Variants in SAMM50 observed in about 807,000 individuals in gnomAD.
SAMM50 encodes the protein sorting and assembly machinery component 50 homolog.
A neutral mutation model predicts 66.9 loss-of-function variants in SAMM50; 47 were observed. The ratio of observed to expected loss-of-function variants is 0.70; its 90% CI spans 0.56 to 0.90. The LOEUF is 0.90. Ranked by LOEUF, SAMM50 falls within the 40% of genes least tolerant of loss-of-function variation. The probability of loss-of-function intolerance (pLI) is 0.00; values close to 1 mark genes in which losing one functional copy is unlikely to be tolerated. For synonymous variants in SAMM50, 191 were observed against 214.1 expected (o/e 0.89, Z 0.94); for missense variants, 535 against 595.3 (o/e 0.90, Z 1.05).
chr22:43,955,446 T>G lies in SAMM50; in HGVS notation c.-132T>G. The G allele has an allele frequency of 1.9e-6, 2 of 1,057,356 alleles. No homozygotes were observed. The highest frequency in any genetic ancestry group is 2.8e-6 in the Non-Finnish European group (2 of 711,162). 65.5% of individuals were successfully genotyped at this position (1,057,356 alleles called of 1,614,324 possible). On this transcript the variant is annotated 5_prime_UTR_variant, in exon 1 of 15. Transcript: ENST00000350028. ...CGGGGAATCATGGCCGCCCCCAGTG[T>G]TCCGCGTCCGGGGGTTTGTGGGAGT...
intron 10 of SAMM50, among the ~76,000 whole-genome samples, chr22:43,978,911 T>C (rs1380987198): frequency 6.6e-6 from 1 of 152,190 alleles, no homozygotes; most frequent in Non-Finnish European, 1.5e-5. Flanking sequence ...CATTTTAAAA[T>C]AATTTGTTAC....
chr22:43,989,497 C>T (rs531750500), intron 13 of SAMM50, among the ~76,000 whole-genome samples: 20 of 152,058 alleles, frequency 1.3e-4, no homozygotes, highest in Admixed American at 4.6e-4. Context: ...CCATCACGCC[C>T]GGCTAATTTT....
rs550467308 is a variant in SAMM50 at position 43,987,117 on chromosome 22, C to T, written c.1076-1994C>T. On this transcript the variant is annotated intron_variant, in intron 12 of 14. Coordinates refer to ENST00000350028, the MANE Select transcript of SAMM50 (RefSeq NM_015380.5). ...TGAGAAGTAAGGCATGCTGGTGTTC[C>T]ACTCACCACCTCCGTGCGGTTGGCC... 3.3e-5 allele frequency: 5 copies of T among 152,238 alleles called. No homozygotes were observed. The South Asian group carries it at 1.0e-3, about 32-fold the overall frequency. 9.4% of individuals were successfully genotyped at this position (152,238 alleles called of 1,614,324 possible).
At chr22:43,955,903 A>G (rs926543235) in intron 1 of SAMM50, among the ~76,000 whole-genome samples, 1 of 152,222 alleles carries the variant, frequency 6.6e-6, no homozygotes, top group Non-Finnish European at 1.5e-5. Flanking sequence ...CTTTCTTTGC[A>G]TGATTTTAAG....
At position 43,974,816 on chromosome 22, in the gene SAMM50, G is replaced by A. The variant is rs941792557; in HGVS notation, c.649-1239G>A. 1.0e-4 allele frequency: 16 copies of A among 152,386 alleles called. No individual in the cohort carries two copies. In the East Asian group the frequency reaches 2.9e-3, roughly 28 times the overall value. 9.4% of individuals were successfully genotyped at this position (152,386 alleles called of 1,614,324 possible). A position where few individuals can be genotyped will look rare whatever the true frequency, so the allele number is the denominator to read the frequency against. Reference sequence around the variant, plus strand: ...GAGCTTAGCCACCCTTCTCCCCAGTGTCATGCTTCATTTCTTTCTAAGCCT... The same window carrying A: ...GAGCTTAGCCACCCTTCTCCCCAGTATCATGCTTCATTTCTTTCTAAGCCT... On this transcript the variant is annotated intron_variant, in intron 7 of 14. Transcript: ENST00000350028.
chr22:43,968,226 C>CAAAAAAAAAAA (rs66961907), intron 3 of SAMM50, among the ~76,000 whole-genome samples: 3 of 68,648 alleles, frequency 4.4e-5, no homozygotes, highest in Non-Finnish European at 8.3e-5. Flanking sequence ...AACTCTGTCT[C>CAAAAAAAAAAA]AAAAAAAAAA....
At position 43,996,423 on chromosome 22, in the gene SAMM50, A is replaced by T. The variant is rs908722334; in HGVS notation, c.*40A>T. On this transcript the variant is annotated 3_prime_UTR_variant, in exon 15 of 15. Coordinates refer to ENST00000350028, the MANE Select transcript of SAMM50 (RefSeq NM_015380.5). Reference sequence around the variant, plus strand: ...GGAGAAGCTCTGGGACTGGGGCAGCAGCAAGGCGCCCATGCCACACACCGT... The same window carrying T: ...GGAGAAGCTCTGGGACTGGGGCAGCTGCAAGGCGCCCATGCCACACACCGT... The T allele has an allele frequency of 6.3e-7, 1 of 1,592,204 alleles. No individual in the cohort carries two copies. The highest frequency in any genetic ancestry group is 8.6e-7 in the Non-Finnish European group (1 of 1,159,976).
chr22:43,976,331 T>G, intron 8 of SAMM50, 148 bp downstream of exon 8: 1 of 876,616 alleles, frequency 1.1e-6, no homozygotes, highest in Non-Finnish European at 1.8e-6. Context: ...CCCCGAGGGC[T>G]TGTGGTGTCC....
At chr22:43,991,124 G>A (rs1328948384) in intron 14 of SAMM50, among the ~76,000 whole-genome samples, 3 of 151,882 alleles carry the variant, frequency 2.0e-5, no homozygotes, top group Non-Finnish European at 4.4e-5. Flanking sequence ...TTACAGGCAT[G>A]CGTCACCACA....
Position 43,967,470 on chromosome 22 carries a change from C to T in SAMM50, c.235-1261C>T, listed in dbSNP as rs934986790. Among the ~76,000 whole-genome samples the T allele has an allele frequency of 2.0e-5, 3 of 152,202 alleles. No homozygotes were observed. In the South Asian group the frequency reaches 6.2e-4, roughly 32 times the overall value. The stretch of plus-strand genomic sequence containing the variant: ...TCTTTCTTAGCCTCTTTCTTCTTCT[C>T]ATGCACTCTACCTAGGCAGTGGCAG... On this transcript the variant is annotated intron_variant, in intron 3 of 14. Transcript: ENST00000350028.
chr22:43,991,634 G>A (rs1237392438), intron 14 of SAMM50, among the ~76,000 whole-genome samples: 1 of 152,196 alleles, frequency 6.6e-6, no homozygotes, highest in Non-Finnish European at 1.5e-5. Flanking sequence ...AGCTCAGGCT[G>A]CCATCACAAA....
intron 1 of SAMM50, among the ~76,000 whole-genome samples, chr22:43,956,468 C>T (rs1021849597): frequency 1.3e-5 from 2 of 152,202 alleles, no homozygotes; most frequent in African/African-American, 4.8e-5. Context: ...ATATGTCTTT[C>T]ATTCAGATCA....
intron 10 of SAMM50, among the ~76,000 whole-genome samples, chr22:43,980,164 T>C (rs148809540): frequency 0.6 from 2,152 of 3,604 alleles, 500 homozygotes; most frequent in Admixed American, 0.64. Context: ...ATCCATCCAT[T>C]CACCCACCCA....
rs372334400 is a variant in SAMM50 at position 43,974,221 on chromosome 22, C to G, written c.648+898C>G. Among the ~76,000 whole-genome samples, 5 of 152,232 alleles carry G rather than the reference C, an allele frequency of 3.3e-5. No individual in the cohort carries two copies. The East Asian group carries it at 9.7e-4, about 29-fold the overall frequency. On this transcript the variant is annotated intron_variant, in intron 7 of 14. Transcript: ENST00000350028. ...GGGCTCCACCTTGAGCTGCCAAGTC[C>G]GACTCACAGAGAGTGGGGCCCAGGA...
intron 7 of SAMM50, among the ~76,000 whole-genome samples, chr22:43,973,832 C>T (rs1295644638): frequency 1.3e-5 from 2 of 152,050 alleles, no homozygotes; most frequent in African/African-American, 4.8e-5. Context: ...AGGCTGGTCT[C>T]GAACTCCCGA....
chr22:43,955,455 C>T lies in SAMM50; in HGVS notation c.-123C>T, dbSNP rs2050113437. On this transcript the variant is annotated 5_prime_UTR_variant, in exon 1 of 15. Transcript: ENST00000350028. ...ATGGCCGCCCCCAGTGTTCCGCGTC[C>T]GGGGGTTTGTGGGAGTTGCCTTGAC... 7 of 1,147,912 alleles carry T rather than the reference C, an allele frequency of 6.1e-6. No individual in the cohort carries two copies. Among genetic ancestry groups the T allele is most frequent in the African/African-American group, 4.6e-5 (3 of 65,246 alleles). 71.1% of individuals were successfully genotyped at this position (1,147,912 alleles called of 1,614,324 possible).
chr22:43,967,245 G>A (rs189174823), intron 3 of SAMM50, among the ~76,000 whole-genome samples: 2 of 152,320 alleles, frequency 1.3e-5, no homozygotes, highest in Non-Finnish European at 2.9e-5. Flanking sequence ...GTGTTGAGCT[G>A]TAGCCCTGAC....
intron 1 of SAMM50, among the ~76,000 whole-genome samples, chr22:43,960,466 C>T (rs964980797): frequency 2.6e-5 from 4 of 152,150 alleles, no homozygotes; most frequent in African/African-American, 9.7e-5. Context: ...CAGTGGTTCA[C>T]GCCTGTAATC....
rs1180580199 is a variant in SAMM50 at position 43,983,764 on chromosome 22, C to A, written c.1008-169C>A. 6.6e-6 allele frequency among the ~76,000 whole-genome samples: 1 copy of A among 152,066 alleles called. No individual in the cohort carries two copies. Among genetic ancestry groups the A allele is most frequent in the Non-Finnish European group, 1.5e-5 (1 of 68,026 alleles). Reference sequence around the variant, plus strand: ...AGATGTTGAGATTTTTATGAAATTCCCCTGTAGTGTGCACCCTCTTGGTCT... The same window carrying A: ...AGATGTTGAGATTTTTATGAAATTCACCTGTAGTGTGCACCCTCTTGGTCT... On this transcript the variant is annotated intron_variant, in intron 11 of 14. Transcript: ENST00000350028. This position sits in a 1 kb window ranked among gnomAD's most constrained non-coding sequence, Gnocchi z 4.2.
Sources: allele counts gnomAD v4.1 joint callset (sites outside exome capture counted in the v4.1 genomes callset), GRCh38; gene constraint gnomAD v4.1.1; non-coding constraint Gnocchi (gnomAD v3.1); transcripts MANE v1.5; gene names NCBI Gene and HGNC (gene_info 2026-07-23, HGNC 2026-07-21).